The following TEX26 variants were observed in gnomAD, a reference collection of about 807,000 sequenced individuals.
The protein encoded by TEX26 is testis-expressed protein 26.
In TEX26, 34 loss-of-function variants were observed where a neutral mutation model predicts 35.3. The ratio of observed to expected loss-of-function variants is 0.96; its 90% CI spans 0.73 to 1.28. The LOEUF is 1.28. Among genes scored for constraint, TEX26 ranks in the 50% most tolerant of loss-of-function variants. The probability of loss-of-function intolerance (pLI) is 0.00; values close to 1 mark genes in which losing one functional copy is unlikely to be tolerated. For synonymous variants in TEX26, 136 were observed against 111.8 expected (o/e 1.22, Z -1.36); for missense variants, 371 against 330.1 (o/e 1.12, Z -0.96).
At chr13:30,954,248 G>GA (rs980645913) in intron 3 of TEX26, among the ~76,000 whole-genome samples, 4 of 137,756 alleles carry the variant, frequency 2.9e-5, no homozygotes, top group African/African-American at 8.1e-5. Context: ...ATTCAACCCT[G>GA]AAAAAAAATA....
At chr13:30,943,736 T>G (rs1158628582) in intron 2 of TEX26, among the ~76,000 whole-genome samples, 2 of 152,070 alleles carry the variant, frequency 1.3e-5, no homozygotes, top group Non-Finnish European at 2.9e-5. Context: ...ATGATTTTTG[T>G]TTTTTGATTC....
Position 30,974,909 on chromosome 13 carries a change from A to G in TEX26, c.*2A>G. On this transcript the variant is annotated 3_prime_UTR_variant, in exon 7 of 7. Coordinates refer to ENST00000380473, the MANE Select transcript of TEX26 (RefSeq NM_152325.3). ...GACACTAACAAAAAGAAGAAATGAAAAGGGAAAATAGTACAAATGAAGAAA... is the reference window on the plus strand; with the variant it reads ...GACACTAACAAAAAGAAGAAATGAAGAGGGAAAATAGTACAAATGAAGAAA... 2 of 1,554,894 alleles carry G rather than the reference A, an allele frequency of 1.3e-6. No individual in the cohort carries two copies. The highest frequency in any genetic ancestry group is 1.2e-5 in the South Asian group (1 of 81,740).
At chr13:30,949,239 CA>C (rs1323487724) in intron 2 of TEX26, among the ~76,000 whole-genome samples, 1 of 151,878 alleles carries the variant, frequency 6.6e-6, no homozygotes, top group Admixed American at 6.6e-5. Flanking sequence ...CATATGGAAC[CA>C]AAAAAGAGCC....
At chr13:30,965,756 T>C (rs1954504762) in intron 4 of TEX26, among the ~76,000 whole-genome samples, 2 of 152,070 alleles carry the variant, frequency 1.3e-5, no homozygotes, top group Non-Finnish European at 2.9e-5. Context: ...GTAATAGGGA[T>C]GATATACAGC....
intron 1 of TEX26, among the ~76,000 whole-genome samples, chr13:30,936,090 G>A (rs1222248501): frequency 6.6e-6 from 1 of 152,168 alleles, no homozygotes; most frequent in Non-Finnish European, 1.5e-5. Flanking sequence ...TTAGGACATG[G>A]AAATATCTTT....
chr13:30,974,131 A>AAAAAATATATATATAT, intron 6 of TEX26, among the ~76,000 whole-genome samples: 4 of 84,414 alleles, frequency 4.7e-5, no homozygotes, highest in Admixed American at 1.6e-4. Context: ...AAAAAAAAAA[A>AAAAAATATATATATAT]ATATATATAT....
chr13:30,940,088 C>T (rs1293704937), intron 2 of TEX26, among the ~76,000 whole-genome samples: 1 of 152,106 alleles, frequency 6.6e-6, no homozygotes, highest in African/African-American at 2.4e-5. Context: ...ATTCACGTGA[C>T]TTGAATCCAT....
intron 4 of TEX26, among the ~76,000 whole-genome samples, chr13:30,964,341 T>C (rs28578281): frequency 0.026 from 3,986 of 152,286 alleles, 165 homozygotes; most frequent in African/African-American, 0.09. Flanking sequence ...CCACGTGAGA[T>C]CCACAGTTCC....
chr13:30,968,567 A>G (rs1486842900), intron 5 of TEX26, among the ~76,000 whole-genome samples: 1 of 152,162 alleles, frequency 6.6e-6, no homozygotes, highest in Non-Finnish European at 1.5e-5. Context: ...TCACTATCAT[A>G]ACACACTGAC....
intron 6 of TEX26, among the ~76,000 whole-genome samples, chr13:30,971,170 G>C (rs563335251): frequency 6.6e-6 from 1 of 152,306 alleles, no homozygotes; most frequent in South Asian, 2.1e-4. Context: ...AAAACAAATG[G>C]AAGTTTCCCT....
chr13:30,967,750 A>AT (rs1225815128), intron 5 of TEX26, among the ~76,000 whole-genome samples: 11 of 152,204 alleles, frequency 7.2e-5, no homozygotes, highest in African/African-American at 2.6e-4. Context: ...TGATTCTATT[A>AT]TTTTTTTCAT....
intron 5 of TEX26, among the ~76,000 whole-genome samples, chr13:30,966,727 C>T (rs548474999): frequency 7.2e-5 from 11 of 152,318 alleles, no homozygotes; most frequent in African/African-American, 2.2e-4. Flanking sequence ...GCTGGAGTTA[C>T]AGGCATGAGC....
In TEX26 at chr13:30,958,255, A is replaced by G. The variant is rs76508373; in HGVS notation, c.469+1226A>G. 1.1e-3 allele frequency among the ~76,000 whole-genome samples: 174 copies of G among 152,350 alleles called. 2 individuals carry two copies. In the East Asian group the frequency reaches 0.023, roughly 20 times the overall value. On this transcript the variant is annotated intron_variant, in intron 4 of 6. Transcript: ENST00000380473. ...ATCTATACCAACACATTTTCCAGAA[A>G]TGACATATTTGGTGATTCAATGCAA...
intron 4 of TEX26, among the ~76,000 whole-genome samples, chr13:30,959,516 T>G (rs1251033664): frequency 1.3e-5 from 2 of 152,258 alleles, no homozygotes; most frequent in Non-Finnish European, 2.9e-5. Context: ...GTATATATTA[T>G]GATATGACAT....
At chr13:30,941,971 T>C (rs1593542029) in intron 2 of TEX26, among the ~76,000 whole-genome samples, 1 of 152,206 alleles carries the variant, frequency 6.6e-6, no homozygotes, top group East Asian at 1.9e-4. Context: ...GTGGTAAACA[T>C]ACATGTACAG....
In TEX26 at chr13:30,966,321, C is replaced by A; in HGVS notation, c.569C>A (p.Ala190Asp). The A allele has an allele frequency of 6.2e-7, 1 of 1,614,078 alleles. No individual in the cohort carries two copies. The highest frequency in any genetic ancestry group is 1.1e-5 in the South Asian group (1 of 91,080). Residue 190 changes from alanine to aspartate, a missense_variant, in exon 5 of 7, where the codon GCT becomes GAT. Transcript: ENST00000380473. ...TTCCGAAGGAATTACCAAATTCCAG[C>A]TAAAATTCCTGAGCTTCAAGATTTC... ...TEFRRNYQIPAKIPELQDFSF... is the reference protein window; with the variant it reads ...TEFRRNYQIPDKIPELQDFSF...
intron 2 of TEX26, among the ~76,000 whole-genome samples, 158 bp downstream of exon 2, chr13:30,939,936 G>A (rs964767259): frequency 1.3e-5 from 2 of 152,032 alleles, no homozygotes; most frequent in African/African-American, 2.4e-5. Flanking sequence ...CCAAGCATCC[G>A]TGATACCCCT....
Position 30,937,655 on chromosome 13 carries a change from G to A in TEX26, c.62-2039G>A, listed in dbSNP as rs75483419. On this transcript the variant is annotated intron_variant, in intron 1 of 6. Coordinates refer to ENST00000380473, the MANE Select transcript of TEX26 (RefSeq NM_152325.3). Reference sequence around the variant, plus strand: ...GATGCCCACTAAAGAAGGAGTATTGGAGAATGATGTCATTTCTTGTAGAGC... The same window carrying A: ...GATGCCCACTAAAGAAGGAGTATTGAAGAATGATGTCATTTCTTGTAGAGC... Among the ~76,000 whole-genome samples, 1,351 of 152,314 alleles carry A rather than the reference G, an allele frequency of 8.9e-3. 27 individuals carry two copies. The highest frequency in any genetic ancestry group is 0.03 in the African/African-American group (1,257 of 41,566).
chr13:30,936,520 G>T (rs1339876606), intron 1 of TEX26, among the ~76,000 whole-genome samples: 1 of 152,088 alleles, frequency 6.6e-6, no homozygotes, highest in Non-Finnish European at 1.5e-5. Flanking sequence ...TGACCCCTGG[G>T]CCTGCCCTTG....
Sources: allele counts gnomAD v4.1 joint callset (sites outside exome capture counted in the v4.1 genomes callset), GRCh38; gene constraint gnomAD v4.1.1; transcripts MANE v1.5; gene names NCBI Gene and HGNC (gene_info 2026-07-23, HGNC 2026-07-21).